CEP63: variants seen among roughly 807,000 people sequenced by gnomAD.
CEP63 encodes the protein centrosomal protein 63.
Under a neutral mutation model 89.1 loss-of-function variants are expected in CEP63, and 84 were observed. The observed-to-expected ratio is 0.94, with a 90% confidence interval of 0.79 to 1.13. The LOEUF (loss-of-function observed/expected upper bound fraction) is 1.13, where lower values mean the gene tolerates loss of function less well. Ranked by LOEUF, CEP63 falls within the 50% of genes most tolerant of loss-of-function variation. CEP63 has a pLI of 0.00. For synonymous variants in CEP63, 267 were observed against 272.5 expected (o/e 0.98, Z 0.20); for missense variants, 838 against 813.3 (o/e 1.03, Z -0.37).
At chr3:134,628,466 AG>A in the CEP63 span, among the ~76,000 whole-genome samples, 1 of 152,218 alleles carries the variant, frequency 6.6e-6, no homozygotes, top group African/African-American at 2.4e-5. Context: ...GGGGATGCCA[AG>A]GCAGGTAGTT....
the CEP63 span, among the ~76,000 whole-genome samples, chr3:134,617,621 A>G: frequency 6.6e-6 from 1 of 152,210 alleles, no homozygotes; most frequent in South Asian, 2.1e-4. Flanking sequence ...GCTTTAGTGC[A>G]TTTTATAAAC....
downstream of CEP63, among the ~76,000 whole-genome samples, chr3:134,578,335 T>TTGTTTG (rs1560077871): frequency 3.3e-5 from 1 of 30,512 alleles, no homozygotes; most frequent in Non-Finnish European, 6.6e-5. Flanking sequence ...TTTTTTTTTT[T>TTGTTTG]TTTTTTTTTT....
intron 2 of CEP63, among the ~76,000 whole-genome samples, chr3:134,498,026 G>T (rs1395627357): frequency 1.3e-5 from 2 of 152,010 alleles, no homozygotes; most frequent in Non-Finnish European, 2.9e-5. Context: ...TGTTCCTTTT[G>T]ATCAAGATTC....
the CEP63 span, among the ~76,000 whole-genome samples, chr3:134,781,796 C>T: frequency 6.6e-6 from 1 of 152,224 alleles, no homozygotes; most frequent in Admixed American, 6.5e-5. Context: ...TTTCCCTGTA[C>T]AGTCTCTTGG....
chr3:134,665,702 C>CACACACAGAGAG, the CEP63 span, among the ~76,000 whole-genome samples: 16 of 102,380 alleles, frequency 1.6e-4, no homozygotes, highest in African/African-American at 6.4e-4. Flanking sequence ...CACACACACA[C>CACACACAGAGAG]AGAGAGAGAG....
At chr3:134,654,911 A>C in the CEP63 span, among the ~76,000 whole-genome samples, 1 of 152,158 alleles carries the variant, frequency 6.6e-6, no homozygotes, top group East Asian at 1.9e-4. Context: ...CAATCCCAAT[A>C]GTTAATTTGG....
chr3:134,561,333 ATATTC>A (rs773483536), intron 14 of CEP63, 39 bp from the exon 15 acceptor site: 2 of 1,507,980 alleles, frequency 1.3e-6, no homozygotes, highest in Admixed American at 1.7e-5. Context: ...TAGAAATATA[ATATTC>A]TACTTATTTA....
At chr3:134,761,113 T>C in the CEP63 span, among the ~76,000 whole-genome samples, 1 of 152,290 alleles carries the variant, frequency 6.6e-6, no homozygotes, top group Admixed American at 6.5e-5. Flanking sequence ...AGGAAGAACC[T>C]GGAAGCAATT....
At chr3:134,532,440 A>G (rs1012942182) in intron 4 of CEP63, among the ~76,000 whole-genome samples, 9 of 152,208 alleles carry the variant, frequency 5.9e-5, no homozygotes, top group South Asian at 2.1e-4. Context: ...GCCCTGCAAG[A>G]GCATGGCTTG....
At chr3:134,486,807 G>A (rs1488646210) in intron 1 of CEP63, 2 of 152,998 alleles carry the variant, frequency 1.3e-5, no homozygotes, top group East Asian at 1.9e-4. Context: ...ATAAATCGTG[G>A]ACTGAAATTG....
At chr3:134,653,762 A>G in the CEP63 span, among the ~76,000 whole-genome samples, 1 of 152,134 alleles carries the variant, frequency 6.6e-6, no homozygotes, top group Non-Finnish European at 1.5e-5. Flanking sequence ...CACACAATCA[A>G]CGGGACAAAT....
the CEP63 span, among the ~76,000 whole-genome samples, chr3:134,656,593 G>A: frequency 1.3e-5 from 2 of 152,214 alleles, no homozygotes; most frequent in Admixed American, 6.5e-5. Flanking sequence ...CTAGGCAAGG[G>A]TGGTGATGAT....
At chr3:134,603,555 G>C in the CEP63 span, 1 of 1,544,052 alleles carries the variant, frequency 6.5e-7, no homozygotes, top group East Asian at 2.3e-5. Flanking sequence ...GGCCCTTTGG[G>C]AGGGTAAGAC....
At chr3:134,749,076 C>T in the CEP63 span, among the ~76,000 whole-genome samples, 13 of 152,204 alleles carry the variant, frequency 8.5e-5, no homozygotes, top group African/African-American at 2.9e-4. Flanking sequence ...GGAGTAGGTC[C>T]CAGAGGTCCT....
chr3:134,694,779 C>T, the CEP63 span, among the ~76,000 whole-genome samples: 2 of 152,302 alleles, frequency 1.3e-5, no homozygotes, highest in East Asian at 3.9e-4. Flanking sequence ...GTTCTGACAC[C>T]CTGCAACCTA....
At chr3:134,578,322 GTTTTTTTTTTTT>G (rs71139542), downstream of CEP63, among the ~76,000 whole-genome samples, 1 of 62,076 alleles carries the variant, frequency 1.6e-5, no homozygotes, top group Non-Finnish European at 3.0e-5. Context: ...TCTGACTTGT[GTTTTTTTTTTTT>G]TTTTTTTTTT....
At chr3:134,676,341 A>C in the CEP63 span, among the ~76,000 whole-genome samples, 1 of 152,224 alleles carries the variant, frequency 6.6e-6, no homozygotes, top group Non-Finnish European at 1.5e-5. Context: ...AAGATGACAT[A>C]TCATATGACT....
the CEP63 span, among the ~76,000 whole-genome samples, chr3:134,764,099 G>A: frequency 6.6e-6 from 1 of 152,236 alleles, no homozygotes; most frequent in East Asian, 1.9e-4. Context: ...ACTATAGGCT[G>A]TAGCTTGTCA....
the CEP63 span, chr3:134,650,682 G>T: frequency 1.3e-6 from 1 of 759,406 alleles, no homozygotes; most frequent in Non-Finnish European, 2.0e-6. Flanking sequence ...CCACTGCGGG[G>T]AAGCGACGGC....
Sources: allele counts gnomAD v4.1 joint callset (sites outside exome capture counted in the v4.1 genomes callset), GRCh38; gene constraint gnomAD v4.1.1; transcripts MANE v1.5; gene names NCBI Gene and HGNC (gene_info 2026-07-23, HGNC 2026-07-21).